The following SCIN variants were observed in gnomAD, a reference collection of about 807,000 sequenced individuals.
The protein encoded by SCIN is adseverin.
In SCIN, 91 loss-of-function variants were observed where a neutral mutation model predicts 91.8. The ratio of observed to expected loss-of-function variants is 0.99; its 90% CI spans 0.84 to 1.18. The LOEUF (loss-of-function observed/expected upper bound fraction) is 1.18. Ranked by LOEUF, SCIN falls within the 50% of genes most tolerant of loss-of-function variation. The pLI, the probability that SCIN is intolerant of heterozygous loss-of-function variation, is 0.00. For missense variants in SCIN, 1,087 were observed against 863.9 expected, an observed-to-expected ratio of 1.26 and a Z score of -3.24; for synonymous variants, 367 against 312.6, an observed-to-expected ratio of 1.17 and a Z score of -1.84.
At chr7:12,603,997 A>G (rs987741579) in intron 3 of SCIN, among the ~76,000 whole-genome samples, 9 of 152,054 alleles carry the variant, frequency 5.9e-5, no homozygotes, top group African/African-American at 2.2e-4. Flanking sequence ...ATGGCTCTTG[A>G]TAAGAATTGT....
chr7:12,594,997 A>G (rs981665763), intron 3 of SCIN, among the ~76,000 whole-genome samples: 1 of 152,046 alleles, frequency 6.6e-6, no homozygotes, highest in Non-Finnish European at 1.5e-5. Context: ...GGTCTTTAGC[A>G]GGTTCGGGAA....
rs1263795519 is a variant in SCIN at position 12,653,881 on chromosome 7, C to T, written c.*1166C>T. The T allele has an allele frequency of 6.6e-6, 1 of 152,130 alleles. No individual in the cohort carries two copies. Among genetic ancestry groups the T allele is most frequent in the Non-Finnish European group, 1.5e-5 (1 of 68,000 alleles). The allele number at this position is 152,130 out of a possible 1,614,324, so 9.4% of individuals were successfully genotyped here. A position where few individuals can be genotyped will look rare whatever the true frequency, so the allele number is the denominator to read the frequency against. ...CCCTTTTCTAAGTAATAATTTTTAT[C>T]GCAGTTACCCTGATTCTATTCCATT... is the stretch of plus-strand genomic sequence containing the variant. On this transcript the variant is annotated 3_prime_UTR_variant, in exon 16 of 16. Transcript: ENST00000297029. This position sits in a 1 kb window ranked among gnomAD's most constrained non-coding sequence, Gnocchi z 4.1.
At chr7:12,599,889 G>A (rs981514151) in intron 3 of SCIN, among the ~76,000 whole-genome samples, 13 of 152,178 alleles carry the variant, frequency 8.5e-5, no homozygotes, top group Non-Finnish European at 1.5e-4. Flanking sequence ...GTGTTTTTGA[G>A]TTCTTTGTAG....
At chr7:12,619,764 T>C (rs1393115953) in intron 4 of SCIN, among the ~76,000 whole-genome samples, 1 of 152,030 alleles carries the variant, frequency 6.6e-6, no homozygotes, top group Non-Finnish European at 1.5e-5. Context: ...TGAAGGGGAC[T>C]TGGGTTTCAG....
intron 4 of SCIN, among the ~76,000 whole-genome samples, chr7:12,615,581 T>C (rs952485291): frequency 6.6e-6 from 1 of 152,168 alleles, no homozygotes; most frequent in African/African-American, 2.4e-5. Flanking sequence ...TATTTCTTTA[T>C]AGCAGTGTGA....
Position 12,640,493 on chromosome 7 carries a change from GGCATCTATC to G in SCIN, c.1558_1566del (p.Ala520_Ile522del). 6.2e-7 allele frequency: 1 copy of G among 1,611,446 alleles called. No homozygotes were observed. The highest frequency in any genetic ancestry group is 8.5e-7 in the Non-Finnish European group (1 of 1,178,828). ...GCCTCTTTCAAGTCCGGAGAAACCT[GGCATCTATC>G]ACCAGAATTGTGGAGGTAATGTCAT... On this transcript the variant is annotated inframe_deletion, in exon 11 of 16. Coordinates refer to ENST00000297029, the MANE Select transcript of SCIN (RefSeq NM_001112706.3).
At chr7:12,593,760 G>A (rs1310641159) in intron 3 of SCIN, among the ~76,000 whole-genome samples, 1 of 152,128 alleles carries the variant, frequency 6.6e-6, no homozygotes, top group Non-Finnish European at 1.5e-5. Flanking sequence ...GGGTCTGTGG[G>A]TTGGTATTCC....
chr7:12,617,019 C>T (rs1030361416), intron 4 of SCIN, among the ~76,000 whole-genome samples: 9 of 152,054 alleles, frequency 5.9e-5, no homozygotes, highest in African/African-American at 2.2e-4. Context: ...ATATAGACTG[C>T]TTTATAAAAT....
At chr7:12,578,276 C>T in intron 2 of SCIN, 58 bp downstream of exon 2, 2 of 1,419,012 alleles carry the variant, frequency 1.4e-6, no homozygotes, top group South Asian at 1.5e-5. Context: ...CCATCCATAC[C>T]TCCTGTCTTC....
At chr7:12,650,222 T>C (rs1394820342) in intron 14 of SCIN, among the ~76,000 whole-genome samples, 2 of 152,148 alleles carry the variant, frequency 1.3e-5, no homozygotes, top group African/African-American at 4.8e-5. Flanking sequence ...TAATAAACCA[T>C]TCAGTTATAT....
At position 12,651,679 on chromosome 7, in the gene SCIN, G is replaced by C. The variant is rs1784081801; in HGVS notation, c.1960-162G>C. Among the ~76,000 whole-genome samples, 1 of 152,158 alleles carries C rather than the reference G, an allele frequency of 6.6e-6. No individual in the cohort carries two copies. The highest frequency in any genetic ancestry group is 2.4e-5 in the African/African-American group (1 of 41,438). ...GTCTCCTGATGAGTGTGAACACTGG[G>C]AAAGTGATGGTACCTCTCTGGGCCA... On this transcript the variant is annotated intron_variant, in intron 14 of 15. Coordinates refer to ENST00000297029, the MANE Select transcript of SCIN (RefSeq NM_001112706.3). This position sits in a 1 kb window ranked among gnomAD's most constrained non-coding sequence, Gnocchi z 5.9.
In SCIN at chr7:12,655,364, T is replaced by C. The variant is rs1784148799; in HGVS notation, c.*2649T>C. 6.6e-6 allele frequency: 1 copy of C among 152,180 alleles called. No homozygotes were observed. Among genetic ancestry groups the C allele is most frequent in the African/African-American group, 2.4e-5 (1 of 41,442 alleles). 9.4% of individuals were successfully genotyped at this position (152,180 alleles called of 1,614,324 possible). ...ATTAATATGTAATACATACAGCTAA[T>C]GTTATAGCTACTTAAGGAATTCCTT... is the stretch of plus-strand genomic sequence containing the variant. On this transcript the variant is annotated 3_prime_UTR_variant, in exon 16 of 16. Transcript: ENST00000297029.
intron 4 of SCIN, among the ~76,000 whole-genome samples, chr7:12,621,352 T>A (rs1006727949): frequency 3.9e-5 from 6 of 152,150 alleles, no homozygotes; most frequent in African/African-American, 1.4e-4. Context: ...TTCCCAACTA[T>A]GCTGCAGTCC....
intron 4 of SCIN, among the ~76,000 whole-genome samples, chr7:12,621,559 T>A (rs1277695297): frequency 6.6e-6 from 1 of 151,920 alleles, no homozygotes; most frequent in Non-Finnish European, 1.5e-5. Context: ...TGTGAGGAGA[T>A]CTTTGATGGC....
chr7:12,590,416 G>A (rs1395155920), intron 3 of SCIN, among the ~76,000 whole-genome samples: 1 of 152,090 alleles, frequency 6.6e-6, no homozygotes, highest in Non-Finnish European at 1.5e-5. Context: ...CTCTTAGTGA[G>A]GTGAATAGAT....
Position 12,644,584 on chromosome 7 carries a change from A to G in SCIN, c.1760A>G (p.Glu587Gly). The change falls in exon 13 of 16, where the codon GAG becomes GGG. Residue 587 changes from glutamate to glycine, a missense_variant and splice_region_variant. Transcript: ENST00000297029. ...GGATAACTGAGTGTGTTTTCCACAG[A>G]GGAGTTCTGGAATTCCCTTGGAGGG... Reference protein sequence around the residue: ...TLRIQEGEEPEEFWNSLGGKK... With the variant: ...TLRIQEGEEPGEFWNSLGGKK... 5 of 1,612,556 alleles carry G rather than the reference A, an allele frequency of 3.1e-6. No individual in the cohort carries two copies. The highest frequency in any genetic ancestry group is 4.2e-6 in the Non-Finnish European group (5 of 1,179,310).
intron 4 of SCIN, among the ~76,000 whole-genome samples, chr7:12,621,659 C>CTTTTTTTTTTTTTTTTTT (rs1783411920): frequency 2.6e-5 from 1 of 38,524 alleles, no homozygotes; most frequent in Non-Finnish European, 5.6e-5. Context: ...TTTTTTTTTG[C>CTTTTTTTTTTTTTTTTTT]TTGATTCTAT....
intron 4 of SCIN, among the ~76,000 whole-genome samples, chr7:12,613,060 A>G (rs917969579): frequency 6.6e-6 from 1 of 152,176 alleles, no homozygotes; most frequent in African/African-American, 2.4e-5. Context: ...GATGGATTTA[A>G]TGGGTAGGAC....
At chr7:12,588,833 GTGGGAAGGGGGA>G (rs1782651319) in intron 3 of SCIN, 2 of 42,704 alleles carry the variant, frequency 4.7e-5, no homozygotes, top group African/African-American at 1.0e-4. Flanking sequence ...GCGGGGGCGG[GTGGGAAGGGGGA>G]GGGGTTCTGG....
Sources: gnomAD v4.1 joint callset for allele counts (sites outside exome capture counted in the v4.1 genomes callset) on GRCh38, gnomAD v4.1.1 for gene constraint, Gnocchi (gnomAD v3.1) non-coding constraint, MANE v1.5 for transcripts, NCBI Gene and HGNC (gene_info 2026-07-23, HGNC 2026-07-21) for gene names.